Variants in INTS4 observed in about 807,000 individuals in gnomAD.
INTS4 encodes MSTP093.
INTS4 carries 70 observed loss-of-function variants against 119.5 expected under a neutral mutation model. The observed-to-expected ratio is 0.59, with a 90% CI of 0.48 to 0.71. INTS4 has a LOEUF of 0.71. Ranked by LOEUF, INTS4 falls within the 30% of genes least tolerant of loss-of-function variation. The pLI is 0.00. For synonymous variants in INTS4, 316 were observed against 419.6 expected (o/e 0.75, Z 3.02); for missense variants, 867 against 1,173.2 (o/e 0.74, Z 3.81).
chr11:77,963,362 A>AAC, intron 4 of INTS4: 1 of 390,384 alleles, frequency 2.6e-6, no homozygotes, highest in African/African-American at 2.3e-5. Context: ...CAAAAAAAAA[A>AAC]AAAAAAAAAA....
chr11:77,884,692 T>G, intron 21 of INTS4: 1 of 230,182 alleles, frequency 4.3e-6, no homozygotes, highest in Non-Finnish European at 9.6e-6. Flanking sequence ...TCTCACCCAC[T>G]TGCCCTATAA....
At chr11:77,904,577 A>G (rs1952883489) in intron 16 of INTS4, among the ~76,000 whole-genome samples, 1 of 152,228 alleles carries the variant, frequency 6.6e-6, no homozygotes, top group Admixed American at 6.5e-5. Context: ...TGAGTGCTCA[A>G]GAGTCCCATG....
At chr11:77,877,160 C>A, downstream of INTS4, 1 of 635,118 alleles carries the variant, frequency 1.6e-6, no homozygotes, top group Non-Finnish European at 2.8e-6. Context: ...ACTGCCAGAT[C>A]TGTCATTTCC....
chr11:77,896,858 C>T lies in INTS4; in HGVS notation c.2229-2509G>A, dbSNP rs545979107. Among the ~76,000 whole-genome samples the T allele has an allele frequency of 5.4e-4, 81 of 149,256 alleles. 1 individual carries two copies. The Middle Eastern group carries it at 0.017, about 32-fold the overall frequency. ...AACAGCTGATACTTCAAACTCCCAC[C>T]GAAGATCAGCAAGAATATTGAAAGA... is the stretch of plus-strand genomic sequence containing the variant. On this transcript the variant is annotated intron_variant, in intron 18 of 22. Coordinates refer to ENST00000534064, the MANE Select transcript of INTS4 (RefSeq NM_033547.4).
intron 16 of INTS4, among the ~76,000 whole-genome samples, chr11:77,906,517 G>GGGCAGGAAGGAACTT (rs1316179103): frequency 6.6e-6 from 1 of 152,174 alleles, no homozygotes; most frequent in East Asian, 1.9e-4. Flanking sequence ...TTTCACAGAG[G>GGGCAGGAAGGAACTT]CTTGGAAAAG....
intron 4 of INTS4, 112 bp from the exon 5 acceptor site, chr11:77,961,250 G>T: frequency 7.4e-7 from 1 of 1,346,318 alleles, no homozygotes; most frequent in Non-Finnish European, 9.7e-7. Context: ...GCAACCTTAG[G>T]GGTGATTTCA....
At chr11:77,958,693 GGA>G (rs1192199000) in intron 7 of INTS4, 51 bp downstream of exon 7, 22 of 1,059,748 alleles carry the variant, frequency 2.1e-5, no homozygotes, top group Non-Finnish European at 4.4e-6. Context: ...CATGGTGAGA[GGA>G]GAGGAAAACG....
intron 1 of INTS4, among the ~76,000 whole-genome samples, chr11:77,991,523 G>A (rs758484102): frequency 8.6e-5 from 13 of 151,886 alleles, no homozygotes; most frequent in Non-Finnish European, 1.8e-4. Flanking sequence ...TAATTTCTCC[G>A]AGTCTCAGTT....
intron 8 of INTS4, among the ~76,000 whole-genome samples, chr11:77,946,871 A>T (rs1954060642): frequency 6.8e-6 from 1 of 148,142 alleles, no homozygotes; most frequent in Non-Finnish European, 1.5e-5. Flanking sequence ...ACTCAGTAAG[A>T]TACAAGAGAA....
intron 1 of INTS4, among the ~76,000 whole-genome samples, chr11:77,992,215 T>C (rs1856719929): frequency 1.3e-5 from 2 of 151,734 alleles, no homozygotes; most frequent in African/African-American, 4.8e-5. Flanking sequence ...CTGGCCAACA[T>C]GGCAAAACCC....
intron 11 of INTS4, among the ~76,000 whole-genome samples, chr11:77,927,554 T>A (rs1177347825): frequency 3.3e-5 from 5 of 152,170 alleles, no homozygotes; most frequent in African/African-American, 1.2e-4. Context: ...AATCCAGACA[T>A]TTTAGAAAAA....
intron 2 of INTS4, among the ~76,000 whole-genome samples, chr11:77,989,909 A>C (rs1856600416): frequency 6.6e-6 from 1 of 152,028 alleles, no homozygotes; most frequent in African/African-American, 2.4e-5. Flanking sequence ...AAAAATAATA[A>C]TAGTAATAAT....
chr11:77,934,090 C>T (rs1953732824), intron 10 of INTS4, among the ~76,000 whole-genome samples: 1 of 151,940 alleles, frequency 6.6e-6, no homozygotes, highest in Admixed American at 6.6e-5. Flanking sequence ...TATGACCTTA[C>T]CCCCAACCCC....
At chr11:77,921,867 C>T (rs1444362025) in intron 13 of INTS4, among the ~76,000 whole-genome samples, 1 of 152,088 alleles carries the variant, frequency 6.6e-6, no homozygotes, top group South Asian at 2.1e-4. Context: ...CCCGTCTCTA[C>T]TAAAAATACA....
chr11:77,943,055 C>T (rs1400198953), intron 8 of INTS4, among the ~76,000 whole-genome samples: 2 of 152,122 alleles, frequency 1.3e-5, no homozygotes, highest in Non-Finnish European at 2.9e-5. Context: ...TTAAGACCTC[C>T]TAAATCTCTC....
At chr11:77,884,524 A>T (rs1311243355) in intron 21 of INTS4, among the ~76,000 whole-genome samples, 2 of 152,160 alleles carry the variant, frequency 1.3e-5, no homozygotes, top group Non-Finnish European at 2.9e-5. Context: ...TAGACAGCCT[A>T]CTATACTGCA....
At chr11:77,979,140 G>A (rs199782086) in intron 3 of INTS4, 38 bp from the exon 4 acceptor site, 178 of 1,193,996 alleles carry the variant, frequency 1.5e-4, no homozygotes, top group East Asian at 1.4e-4. Context: ...GTAGAATTTC[G>A]AAAGGGGTAA....
At chr11:77,942,955 TTTTCTTTTGTTACA>T (rs1290044390) in intron 8 of INTS4, among the ~76,000 whole-genome samples, 1 of 152,184 alleles carries the variant, frequency 6.6e-6, no homozygotes, top group African/African-American at 2.4e-5. Flanking sequence ...CAAAACCACT[TTTTCTTTTGTTACA>T]TAGATCTGAG....
At chr11:77,906,530 A>C (rs1455679826) in intron 16 of INTS4, among the ~76,000 whole-genome samples, 1 of 152,232 alleles carries the variant, frequency 6.6e-6, no homozygotes, top group African/African-American at 2.4e-5. Flanking sequence ...TGGAAAAGCC[A>C]AACAACCTTG....
Sources: allele counts gnomAD v4.1 joint callset (sites outside exome capture counted in the v4.1 genomes callset), GRCh38; gene constraint gnomAD v4.1.1; transcripts MANE v1.5; gene names NCBI Gene and HGNC (gene_info 2026-07-23, HGNC 2026-07-21).